Variants in GNB1 observed in about 807,000 individuals in gnomAD.
The protein encoded by GNB1 is guanine nucleotide-binding protein G(I)/G(S)/G(T) subunit beta-1.
Under a neutral mutation model 42.9 loss-of-function variants are expected in GNB1, and 2 were observed. That is an observed-to-expected ratio of 0.05 (90% confidence interval 0.02 to 0.15). GNB1 has a LOEUF of 0.15. Among genes scored for constraint, GNB1 ranks in the 10% least tolerant of loss-of-function variants. GNB1 has a pLI of 1.00. For missense variants in GNB1, 193 were observed against 462.2 expected (o/e 0.42, Z 5.34); for synonymous variants, 183 against 174.7 (o/e 1.05, Z -0.38).
At chr1:1,849,495 C>T (rs1647864821) in intron 1 of GNB1, among the ~76,000 whole-genome samples, 1 of 152,166 alleles carries the variant, frequency 6.6e-6, no homozygotes, top group Admixed American at 6.6e-5. Context: ...CAGCCTCAAC[C>T]TCCCAGGCTC....
intron 2 of GNB1, among the ~76,000 whole-genome samples, chr1:1,838,449 C>CTTTT (rs112843995): frequency 7.1e-6 from 1 of 141,580 alleles, no homozygotes; most frequent in Non-Finnish European, 1.5e-5. Context: ...TTTTTCTTTT[C>CTTTT]TTTTTTTTTT....
intron 1 of GNB1, among the ~76,000 whole-genome samples, chr1:1,874,915 CACAG>C (rs543695431): frequency 3.4e-4 from 52 of 152,294 alleles, no homozygotes; most frequent in Admixed American, 2.7e-3. Context: ...ACAATTTTTC[CACAG>C]ACAGAGGGGA....
intron 1 of GNB1, among the ~76,000 whole-genome samples, chr1:1,886,098 G>T (rs1314204646): frequency 6.6e-6 from 1 of 151,708 alleles, no homozygotes; most frequent in Non-Finnish European, 1.5e-5. Context: ...GATCACCGGA[G>T]GTCAGGAGTT....
intron 5 of GNB1, among the ~76,000 whole-genome samples, chr1:1,811,939 G>A (rs1319748228): frequency 1.3e-5 from 2 of 151,320 alleles, no homozygotes; most frequent in African/African-American, 4.9e-5. Context: ...GGTGGCAGGC[G>A]CCTATAGTCC....
intron 5 of GNB1, among the ~76,000 whole-genome samples, chr1:1,812,407 TAC>T (rs4012956): frequency 9.6e-5 from 14 of 146,266 alleles, no homozygotes; most frequent in East Asian, 8.0e-4. Flanking sequence ...CACACATACA[TAC>T]ACACACACAC....
At chr1:1,868,465 T>C (rs148881798) in intron 1 of GNB1, among the ~76,000 whole-genome samples, 68 of 152,282 alleles carry the variant, frequency 4.5e-4, no homozygotes, top group African/African-American at 1.5e-3. Flanking sequence ...ACACCGTGCC[T>C]GGCCATGTTT....
intron 1 of GNB1, among the ~76,000 whole-genome samples, chr1:1,869,604 G>A (rs558855511): frequency 6.6e-6 from 1 of 152,326 alleles, no homozygotes; most frequent in South Asian, 2.1e-4. Flanking sequence ...GGAGGTGGCA[G>A]TAGAGGAGCC....
chr1:1,879,258 C>T (rs1649709884), intron 1 of GNB1, among the ~76,000 whole-genome samples: 1 of 152,210 alleles, frequency 6.6e-6, no homozygotes, highest in South Asian at 2.1e-4. Context: ...CCTCTACATC[C>T]TCAACTATTA....
chr1:1,865,329 G>A (rs1174333060), intron 1 of GNB1, among the ~76,000 whole-genome samples: 5 of 149,936 alleles, frequency 3.3e-5, no homozygotes, highest in African/African-American at 1.2e-4. Flanking sequence ...GCTCATGCCT[G>A]TAATCCCAGC....
At chr1:1,813,634 G>C (rs75709620) in intron 5 of GNB1, among the ~76,000 whole-genome samples, 2,411 of 152,050 alleles carry the variant, frequency 0.016, 64 homozygotes, top group African/African-American at 0.055. Flanking sequence ...GGGACTCCAG[G>C]TGCGCACCAC....
intron 1 of GNB1, among the ~76,000 whole-genome samples, chr1:1,882,549 C>T (rs1408863643): frequency 6.6e-6 from 1 of 151,298 alleles, no homozygotes; most frequent in Non-Finnish European, 1.5e-5. Context: ...ATCAGCAAAT[C>T]AAGGGACGTC....
intron 5 of GNB1, among the ~76,000 whole-genome samples, chr1:1,811,468 G>C (rs1439964643): frequency 6.6e-6 from 1 of 152,100 alleles, no homozygotes; most frequent in Non-Finnish European, 1.5e-5. Context: ...GCCGAGGCGA[G>C]CGGATCACGA....
In GNB1 at chr1:1,863,675, T is replaced by C. The variant is rs373276164; in HGVS notation, c.-95-24437A>G. Among the ~76,000 whole-genome samples, 4 of 152,232 alleles carry C rather than the reference T, an allele frequency of 2.6e-5. No individual in the cohort carries two copies. The South Asian group carries it at 8.3e-4, about 31-fold the overall frequency. ...TCCACAAATAGCTCATTTTGAGATC[T>C]TCTCCTTCCAAGGTTCTTTTAGTGA... On this transcript the variant is annotated intron_variant, in intron 1 of 11. Transcript: ENST00000378609.
chr1:1,837,806 G>T (rs911477509), intron 2 of GNB1, among the ~76,000 whole-genome samples: 3 of 149,714 alleles, frequency 2.0e-5, no homozygotes, highest in Non-Finnish European at 4.5e-5. Context: ...CTGATGATCT[G>T]CCCACCTTGG....
chr1:1,854,119 G>A (rs1436380089), intron 1 of GNB1, among the ~76,000 whole-genome samples: 3 of 152,180 alleles, frequency 2.0e-5, no homozygotes, highest in Middle Eastern at 3.2e-3. Flanking sequence ...GGCATTAAGC[G>A]AACAGTGCAA....
intron 1 of GNB1, among the ~76,000 whole-genome samples, chr1:1,844,767 C>T (rs996706036): frequency 6.6e-6 from 1 of 152,200 alleles, no homozygotes; most frequent in Non-Finnish European, 1.5e-5. Context: ...TCAGGGTGAG[C>T]AGTCTTATGT....
intron 7 of GNB1, among the ~76,000 whole-genome samples, chr1:1,801,653 A>T (rs1467959142): frequency 6.6e-6 from 1 of 152,202 alleles, no homozygotes; most frequent in Non-Finnish European, 1.5e-5. Context: ...TTCTTTAAAA[A>T]ATCAAGTAAC....
chr1:1,860,821 G>C (rs1298563631), intron 1 of GNB1, among the ~76,000 whole-genome samples: 4 of 152,028 alleles, frequency 2.6e-5, no homozygotes, highest in Non-Finnish European at 5.9e-5. Flanking sequence ...TTTGCAGTAA[G>C]CTGTAACACA....
At chr1:1,890,171 G>C (rs908414427) in intron 1 of GNB1, among the ~76,000 whole-genome samples, 3 of 152,150 alleles carry the variant, frequency 2.0e-5, no homozygotes, top group Non-Finnish European at 2.9e-5. Context: ...AGAAGGGCGA[G>C]GCCACAGCGC....
Sources: gnomAD v4.1 joint callset for allele counts (sites outside exome capture counted in the v4.1 genomes callset) on GRCh38, gnomAD v4.1.1 for gene constraint, MANE v1.5 for transcripts, NCBI Gene and HGNC (gene_info 2026-07-23, HGNC 2026-07-21) for gene names.